The following XKR9 variants were observed in gnomAD, a reference collection of about 807,000 sequenced individuals.
XKR9 encodes the protein XK-related protein 9.
XKR9 carries 32 observed loss-of-function variants against 32.0 expected under a neutral mutation model. That is an observed-to-expected ratio of 1.00 (90% CI 0.76 to 1.34). The LOEUF (loss-of-function observed/expected upper bound fraction) is 1.34. Ranked by LOEUF, XKR9 falls within the 40% of genes most tolerant of loss-of-function variation. The pLI, the probability that XKR9 is intolerant of heterozygous loss-of-function variation, is 0.00. For synonymous variants in XKR9, 168 were observed against 143.4 expected (o/e 1.17, Z -1.22); for missense variants, 546 against 429.7 (o/e 1.27, Z -2.39).
the XKR9 span, among the ~76,000 whole-genome samples, chr8:70,843,176 T>C: frequency 1.3e-5 from 2 of 152,210 alleles, no homozygotes; most frequent in Admixed American, 6.5e-5. Context: ...AATGATTGCA[T>C]GTAACCTGGA....
the XKR9 span, among the ~76,000 whole-genome samples, chr8:71,021,498 C>CTTTTTT: frequency 6.9e-5 from 7 of 101,414 alleles, no homozygotes; most frequent in African/African-American, 1.5e-4. Flanking sequence ...TTGATGGTTT[C>CTTTTTT]TTTTTTTTTT....
chr8:70,908,146 C>A, the XKR9 span, among the ~76,000 whole-genome samples: 4 of 152,022 alleles, frequency 2.6e-5, no homozygotes, highest in African/African-American at 7.2e-5. Context: ...TTCCAAGTGT[C>A]TTGGATAGAG....
the XKR9 span, among the ~76,000 whole-genome samples, chr8:70,866,505 G>A: frequency 6.6e-6 from 1 of 152,172 alleles, no homozygotes; most frequent in Non-Finnish European, 1.5e-5. Context: ...GCTATCTAGA[G>A]GCATTTCTGC....
chr8:70,973,044 G>A, the XKR9 span, among the ~76,000 whole-genome samples: 2 of 151,844 alleles, frequency 1.3e-5, no homozygotes, highest in African/African-American at 2.4e-5. Context: ...GGATTGATAC[G>A]ATGTCTTTGA....
At chr8:71,004,381 C>G in the XKR9 span, among the ~76,000 whole-genome samples, 1 of 152,090 alleles carries the variant, frequency 6.6e-6, no homozygotes, top group Admixed American at 6.5e-5. Context: ...AGAGGACACA[C>G]AGGTCATTAT....
intron 2 of XKR9, among the ~76,000 whole-genome samples, chr8:70,748,393 G>A (rs762080717): frequency 1.9e-4 from 29 of 152,352 alleles, no homozygotes; most frequent in Admixed American, 5.9e-4. Context: ...GTCTCTCCCC[G>A]CTCCTGGCGC....
chr8:70,740,369 C>G (rs1806949153), downstream of XKR9, among the ~76,000 whole-genome samples: 1 of 152,026 alleles, frequency 6.6e-6, no homozygotes, highest in African/African-American at 2.4e-5. Flanking sequence ...ATACATTTGT[C>G]TAAATTTTTT....
chr8:70,703,722 A>G (rs979274129), intron 3 of XKR9, among the ~76,000 whole-genome samples: 2 of 152,056 alleles, frequency 1.3e-5, no homozygotes, highest in African/African-American at 2.4e-5. Flanking sequence ...TTATATTTGT[A>G]ATCAGTAGGG....
chr8:70,739,355 G>A (rs569496351), downstream of XKR9, among the ~76,000 whole-genome samples: 2 of 152,112 alleles, frequency 1.3e-5, no homozygotes, highest in African/African-American at 4.8e-5. Flanking sequence ...TTGAGCCTAT[G>A]TGTGTCTCTG....
intron 4 of XKR9, among the ~76,000 whole-genome samples, chr8:70,716,710 C>T (rs867193798): frequency 2.0e-5 from 3 of 152,278 alleles, no homozygotes; most frequent in South Asian, 2.1e-4. Context: ...TATCATTCCT[C>T]TCCCAGCCCC....
chr8:70,685,627 T>G (rs1458847232), intron 3 of XKR9, among the ~76,000 whole-genome samples: 2 of 149,358 alleles, frequency 1.3e-5, no homozygotes, highest in Non-Finnish European at 3.0e-5. Context: ...AGTAAACTAT[T>G]GCAAGGGCAA....
At chr8:70,936,529 A>G in the XKR9 span, among the ~76,000 whole-genome samples, 6 of 152,068 alleles carry the variant, frequency 3.9e-5, no homozygotes, top group African/African-American at 1.4e-4. Flanking sequence ...AATTTACCGG[A>G]CACATTTGAA....
At chr8:70,833,148 T>A in the XKR9 span, among the ~76,000 whole-genome samples, 1 of 152,200 alleles carries the variant, frequency 6.6e-6, no homozygotes, top group African/African-American at 2.4e-5. Context: ...GGCTAGCTAA[T>A]CAATAGAGGA....
intron 4 of XKR9, among the ~76,000 whole-genome samples, chr8:70,724,046 G>C (rs377142110): frequency 6.6e-6 from 1 of 152,070 alleles, no homozygotes; most frequent in Non-Finnish European, 1.5e-5. Context: ...GTAAGCCCCT[G>C]ACTGGGGCTG....
Position 70,680,806 on chromosome 8 carries a change from T to C in XKR9, c.-253T>C, listed in dbSNP as rs146844568. ...GTCTTGTCATCTGTAATGAAGATCA[T>C]TGTGAAACAGAAGATTGATTAAAGC... On this transcript the variant is annotated 5_prime_UTR_variant, in exon 3 of 5. Coordinates refer to ENST00000408926, the MANE Select transcript of XKR9 (RefSeq NM_001011720.2). 52 of 277,900 alleles carry C rather than the reference T, an allele frequency of 1.9e-4. No individual in the cohort carries two copies. The East Asian group carries it at 3.0e-3, about 16-fold the overall frequency. The allele number at this position is 277,900 out of a possible 1,614,324, so 17.2% of individuals were successfully genotyped here. A position where few individuals can be genotyped will look rare whatever the true frequency, so the allele number is the denominator to read the frequency against.
chr8:70,985,918 C>A, the XKR9 span, among the ~76,000 whole-genome samples: 3 of 151,968 alleles, frequency 2.0e-5, no homozygotes, highest in Non-Finnish European at 4.4e-5. Context: ...TTTTGTTTAA[C>A]TCATATTAAT....
chr8:70,716,406 A>G (rs1239797015), intron 4 of XKR9, among the ~76,000 whole-genome samples: 1 of 150,730 alleles, frequency 6.6e-6, no homozygotes, highest in Non-Finnish European at 1.5e-5. Context: ...AATAGGTTTA[A>G]TTGACTCACA....
At chr8:70,783,544 G>A (rs550088097) in intron 2 of XKR9, among the ~76,000 whole-genome samples, 2 of 152,118 alleles carry the variant, frequency 1.3e-5, no homozygotes, top group African/African-American at 4.8e-5. Context: ...TTTTAACTGA[G>A]TTTTTTGTTT....
chr8:70,837,980 T>A, the XKR9 span, among the ~76,000 whole-genome samples: 5 of 152,128 alleles, frequency 3.3e-5, no homozygotes, highest in Admixed American at 6.6e-5. Context: ...TCTTTCTACT[T>A]AAGGCTTGAA....
Sources: gnomAD v4.1 joint callset for allele counts (sites outside exome capture counted in the v4.1 genomes callset) on GRCh38, gnomAD v4.1.1 for gene constraint, MANE v1.5 for transcripts, NCBI Gene and HGNC (gene_info 2026-07-23, HGNC 2026-07-21) for gene names.